Variants in CCSER1 observed in about 807,000 individuals in gnomAD.
CCSER1 encodes the protein serine-rich coiled-coil domain-containing protein 1.
A neutral mutation model predicts 82.0 loss-of-function variants in CCSER1; 41 were observed. The observed-to-expected ratio is 0.50, with a 90% CI of 0.39 to 0.65. The LOEUF (loss-of-function observed/expected upper bound fraction) is 0.65. Among genes scored for constraint, CCSER1 ranks in the 30% least tolerant of loss-of-function variants. The pLI is 0.00. For synonymous variants in CCSER1, 414 were observed against 383.9 expected (o/e 1.08, Z -0.92); for missense variants, 1,119 against 1,064.2 (o/e 1.05, Z -0.72).
chr4:90,625,562 A>G (rs1723106780), intron 5 of CCSER1, among the ~76,000 whole-genome samples: 1 of 152,146 alleles, frequency 6.6e-6, no homozygotes, highest in African/African-American at 2.4e-5. Context: ...AAATGTTTTG[A>G]GATAAATTGA....
intron 8 of CCSER1, among the ~76,000 whole-genome samples, chr4:90,908,905 C>T (rs1047725593): frequency 3.3e-5 from 5 of 152,158 alleles, no homozygotes; most frequent in African/African-American, 1.2e-4. Flanking sequence ...GTATTAGTTT[C>T]CTGTGGCTTC....
At chr4:91,475,801 C>A (rs1757559123) in intron 10 of CCSER1, among the ~76,000 whole-genome samples, 1 of 151,836 alleles carries the variant, frequency 6.6e-6, no homozygotes, top group South Asian at 2.1e-4. Flanking sequence ...TCCTTCCCTG[C>A]TACTCTTCCC....
intron 8 of CCSER1, among the ~76,000 whole-genome samples, chr4:90,850,805 G>A (rs771671447): frequency 8.5e-5 from 13 of 152,174 alleles, no homozygotes; most frequent in African/African-American, 1.2e-4. Context: ...TTAAGACTTT[G>A]GGGGACTGTT....
Position 91,503,214 on chromosome 4 carries a change from C to T in CCSER1, c.2218-95358C>T, listed in dbSNP as rs991555444. Among the ~76,000 whole-genome samples the T allele has an allele frequency of 4.6e-4, 70 of 151,606 alleles. 1 individual carries two copies. Among genetic ancestry groups the T allele is most frequent in the Admixed American group, 4.3e-3 (65 of 15,236 alleles). The stretch of plus-strand genomic sequence containing the variant: ...AAAATAAGCTGGGCGTGGTGGCGGG[C>T]GCCTGTGGTCCCAGCTACTCGGGAG... On this transcript the variant is annotated intron_variant, in intron 10 of 10. Transcript: ENST00000509176.
intron 10 of CCSER1, among the ~76,000 whole-genome samples, chr4:91,152,152 G>A (rs372558652): frequency 1.3e-5 from 2 of 152,116 alleles, no homozygotes; most frequent in African/African-American, 2.4e-5. Context: ...ATGAATCTGG[G>A]TGCTCCTGTA....
At chr4:91,163,629 T>C (rs1560481999) in intron 10 of CCSER1, among the ~76,000 whole-genome samples, 1 of 152,216 alleles carries the variant, frequency 6.6e-6, no homozygotes, top group South Asian at 2.1e-4. Flanking sequence ...GTTGGGTACA[T>C]ATATATTTAG....
At chr4:90,867,521 T>A (rs1222723757) in intron 8 of CCSER1, among the ~76,000 whole-genome samples, 2 of 152,098 alleles carry the variant, frequency 1.3e-5, no homozygotes, top group Admixed American at 6.6e-5. Context: ...CAAGTATTTA[T>A]CATTTCTTTG....
At chr4:91,445,390 C>CTTT (rs5860235) in intron 10 of CCSER1, among the ~76,000 whole-genome samples, 1 of 141,904 alleles carries the variant, frequency 7.0e-6, no homozygotes, top group Non-Finnish European at 1.5e-5. Context: ...ATAGTAATTC[C>CTTT]TTTTTTTTTT....
At chr4:91,459,891 G>A (rs760882953) in intron 10 of CCSER1, among the ~76,000 whole-genome samples, 1 of 152,044 alleles carries the variant, frequency 6.6e-6, no homozygotes, top group Non-Finnish European at 1.5e-5. Flanking sequence ...ACTTTCCTAT[G>A]ATGAGAAACA....
intron 9 of CCSER1, among the ~76,000 whole-genome samples, chr4:91,001,467 G>C (rs1485766329): frequency 6.6e-6 from 1 of 152,060 alleles, no homozygotes; most frequent in Non-Finnish European, 1.5e-5. Flanking sequence ...TTTTGAAATA[G>C]TTTCATATAG....
At chr4:91,376,965 G>GT (rs903877055) in intron 10 of CCSER1, among the ~76,000 whole-genome samples, 13 of 137,820 alleles carry the variant, frequency 9.4e-5, no homozygotes, top group African/African-American at 3.2e-4. Context: ...TGTCCTCATT[G>GT]TTCAATTCCC....
chr4:90,399,926 C>G (rs557509079), intron 3 of CCSER1, 110 bp from the exon 4 acceptor site: 1 of 553,516 alleles, frequency 1.8e-6, no homozygotes, highest in African/African-American at 1.9e-5. Flanking sequence ...TCAGTTAAAA[C>G]TTTTCATTCT....
intron 10 of CCSER1, among the ~76,000 whole-genome samples, chr4:91,103,427 T>G (rs574675577): frequency 6.6e-6 from 1 of 152,054 alleles, no homozygotes; most frequent in Non-Finnish European, 1.5e-5. Context: ...ATGAAAAAAA[T>G]GCATTTCTAA....
intron 5 of CCSER1, among the ~76,000 whole-genome samples, chr4:90,542,861 C>G (rs1240432623): frequency 6.6e-6 from 1 of 152,022 alleles, no homozygotes; most frequent in South Asian, 2.1e-4. Flanking sequence ...GATCATAGCT[C>G]TTTTTCCCTT....
intron 10 of CCSER1, among the ~76,000 whole-genome samples, chr4:91,258,921 T>C (rs1017238564): frequency 2.0e-5 from 3 of 152,142 alleles, no homozygotes; most frequent in Non-Finnish European, 2.9e-5. Context: ...TACAGTACTA[T>C]GTTTCTTCCT....
chr4:90,276,123 A>C (rs1696022086), intron 1 of CCSER1, among the ~76,000 whole-genome samples: 1 of 152,066 alleles, frequency 6.6e-6, no homozygotes, highest in South Asian at 2.1e-4. Flanking sequence ...TCAATGAGAA[A>C]ACCATTTTGT....
chr4:90,755,250 A>G (rs6833239), intron 7 of CCSER1, among the ~76,000 whole-genome samples: 40,505 of 152,114 alleles, frequency 0.27, 5,992 homozygotes, highest in East Asian at 0.34. Context: ...CATATTGATA[A>G]ACAAGTAAGA....
At chr4:91,218,105 G>T (rs1737422277) in intron 10 of CCSER1, among the ~76,000 whole-genome samples, 1 of 152,228 alleles carries the variant, frequency 6.6e-6, no homozygotes, top group Admixed American at 6.5e-5. Flanking sequence ...CAGGTCCCGA[G>T]CCCTGCCCCG....
intron 7 of CCSER1, among the ~76,000 whole-genome samples, chr4:90,774,656 C>G (rs1752664661): frequency 6.6e-6 from 1 of 152,000 alleles, no homozygotes; most frequent in African/African-American, 2.4e-5. Flanking sequence ...TAATACCTTC[C>G]TTGTTCATTA....
Sources: gnomAD v4.1 joint callset for allele counts (sites outside exome capture counted in the v4.1 genomes callset) on GRCh38, gnomAD v4.1.1 for gene constraint, MANE v1.5 for transcripts, NCBI Gene and HGNC (gene_info 2026-07-23, HGNC 2026-07-21) for gene names.